Variants in TAMM41 observed in about 807,000 individuals in gnomAD.
TAMM41 encodes the protein phosphatidate cytidylyltransferase, mitochondrial.
Under a neutral mutation model 44.1 loss-of-function variants are expected in TAMM41, and 36 were observed. That is an observed-to-expected ratio of 0.82 (90% CI 0.63 to 1.08). TAMM41 has a LOEUF of 1.08. Among genes scored for constraint, TAMM41 ranks in the 50% least tolerant of loss-of-function variants. The pLI is 0.00. For missense variants in TAMM41, 417 were observed against 404.3 expected (o/e 1.03, Z -0.27); for synonymous variants, 164 against 153.1 (o/e 1.07, Z -0.53).
rs1421322362 is a variant in TAMM41 at position 11,807,633 on chromosome 3, C to T, written c.937+200G>A. 8 of 1,536,114 alleles carry T rather than the reference C, an allele frequency of 5.2e-6. No individual in the cohort carries two copies. The Admixed American group carries it at 5.9e-5, about 11-fold the overall frequency. ...GGCAGTAAAGCTTCCAACAGCACTGCCAATGGTCTGACATTGTTCGACCAC... is the reference window on the plus strand; with the variant it reads ...GGCAGTAAAGCTTCCAACAGCACTGTCAATGGTCTGACATTGTTCGACCAC... On this transcript the variant is annotated intron_variant, in intron 7 of 7. Transcript: ENST00000455809.
the TAMM41 span, among the ~76,000 whole-genome samples, chr3:11,737,026 C>T: frequency 2.2e-4 from 34 of 151,818 alleles, no homozygotes; most frequent in African/African-American, 7.7e-4. Flanking sequence ...GTCAGGAGTC[C>T]GTCTGCACCA....
chr3:11,747,055 C>T, the TAMM41 span, among the ~76,000 whole-genome samples: 4 of 152,082 alleles, frequency 2.6e-5, no homozygotes, highest in African/African-American at 9.7e-5. Context: ...ACTACAAAGA[C>T]GTGTGGTAGA....
At chr3:11,775,024 C>T in the TAMM41 span, among the ~76,000 whole-genome samples, 30 of 152,198 alleles carry the variant, frequency 2.0e-4, no homozygotes, top group African/African-American at 5.5e-4. Context: ...CGGCTGCCAC[C>T]GTGCCCGGCT....
At chr3:11,810,397 A>G (rs2078051101) in intron 5 of TAMM41, among the ~76,000 whole-genome samples, 1 of 152,224 alleles carries the variant, frequency 6.6e-6, no homozygotes, top group African/African-American at 2.4e-5. Context: ...TATGTGTCAG[A>G]CTTTACTCAG....
chr3:11,744,995 C>T, the TAMM41 span, among the ~76,000 whole-genome samples: 2 of 152,064 alleles, frequency 1.3e-5, no homozygotes, highest in East Asian at 3.9e-4. Flanking sequence ...GCCTGAGTAC[C>T]TGGGATTACA....
the TAMM41 span, among the ~76,000 whole-genome samples, chr3:11,776,206 G>C: frequency 3.3e-5 from 5 of 151,676 alleles, no homozygotes; most frequent in Admixed American, 3.3e-4. Context: ...TTTTAGTAGA[G>C]ATGGGGTTTC....
intron 4 of TAMM41, among the ~76,000 whole-genome samples, chr3:11,825,914 A>G (rs971774283): frequency 2.0e-5 from 3 of 152,124 alleles, no homozygotes; most frequent in Non-Finnish European, 2.9e-5. Context: ...AGCACCCTGC[A>G]AATTTTGACA....
At chr3:11,749,079 A>G in the TAMM41 span, among the ~76,000 whole-genome samples, 2 of 151,452 alleles carry the variant, frequency 1.3e-5, no homozygotes, top group African/African-American at 4.9e-5. Context: ...CACCTGGCTA[A>G]TTTTTGTATT....
intron 7 of TAMM41, chr3:11,807,339 T>C (rs1209288059): frequency 1.8e-5 from 27 of 1,460,072 alleles, no homozygotes; most frequent in Non-Finnish European, 2.2e-5. Context: ...CAGAGTTGAC[T>C]TCTAACCTCC....
the TAMM41 span, among the ~76,000 whole-genome samples, chr3:11,736,725 TG>T: frequency 0.066 from 10,075 of 152,218 alleles, 1,124 homozygotes; most frequent in African/African-American, 0.23. Context: ...CTGGCATCCC[TG>T]GGACTGGTCC....
chr3:11,816,489 T>G (rs1249790090), intron 5 of TAMM41, among the ~76,000 whole-genome samples: 1 of 152,068 alleles, frequency 6.6e-6, no homozygotes, highest in Non-Finnish European at 1.5e-5. Flanking sequence ...GCAGGCTGGG[T>G]GCAGTGGCTC....
the TAMM41 span, among the ~76,000 whole-genome samples, chr3:11,740,265 T>A: frequency 6.6e-6 from 1 of 152,128 alleles, no homozygotes; most frequent in African/African-American, 2.4e-5. Context: ...TAAAATAAAG[T>A]CCCAAATCCC....
chr3:11,806,539 C>G (rs1376040018), intron 7 of TAMM41, among the ~76,000 whole-genome samples: 1 of 152,006 alleles, frequency 6.6e-6, no homozygotes, highest in Non-Finnish European at 1.5e-5. Context: ...TCGAGAAAAT[C>G]TTCCAAAGCA....
chr3:11,725,325 CTCCTTTTTTTCTTCTCCTCCTCCTCCT>C, the TAMM41 span, among the ~76,000 whole-genome samples: 5 of 137,244 alleles, frequency 3.6e-5, no homozygotes, highest in South Asian at 6.8e-4. Flanking sequence ...TCTCCTCCTC[CTCCTTTTTTTCTTCTCCTCCTCCTCCT>C]TTTTTTTCTT....
At chr3:11,776,052 T>C in the TAMM41 span, among the ~76,000 whole-genome samples, 55 of 151,188 alleles carry the variant, frequency 3.6e-4, no homozygotes, top group Non-Finnish European at 4.4e-4. Flanking sequence ...CTCGCTCTGT[T>C]GCCCAGGCTA....
At chr3:11,824,699 T>C (rs534335493) in intron 4 of TAMM41, among the ~76,000 whole-genome samples, 2 of 152,234 alleles carry the variant, frequency 1.3e-5, no homozygotes, top group South Asian at 2.1e-4. Flanking sequence ...TCATCAAATA[T>C]TTACTGAGCA....
chr3:11,784,675 C>T, the TAMM41 span, among the ~76,000 whole-genome samples: 2 of 152,058 alleles, frequency 1.3e-5, no homozygotes, highest in Non-Finnish European at 2.9e-5. Context: ...CTAAATTATA[C>T]AAAATCCAGT....
chr3:11,725,221 C>A, the TAMM41 span, among the ~76,000 whole-genome samples: 8 of 143,278 alleles, frequency 5.6e-5, no homozygotes, highest in African/African-American at 1.8e-4. Context: ...CCTTCTCCTC[C>A]CTCTCCTCCT....
the TAMM41 span, among the ~76,000 whole-genome samples, chr3:11,729,529 TC>T: frequency 8.3e-3 from 978 of 118,198 alleles, 74 homozygotes; most frequent in East Asian, 0.027. Flanking sequence ...TTCTTTCTTT[TC>T]TTTCTTTCAT....
Sources: gnomAD v4.1 joint callset for allele counts (sites outside exome capture counted in the v4.1 genomes callset) on GRCh38, gnomAD v4.1.1 for gene constraint, MANE v1.5 for transcripts, NCBI Gene and HGNC (gene_info 2026-07-23, HGNC 2026-07-21) for gene names.